The following SGPP2 variants were observed in gnomAD, a reference collection of about 807,000 sequenced individuals.
SGPP2 encodes the protein sphingosine-1-phosphate phosphatase 2.
SGPP2 carries 30 observed loss-of-function variants against 33.9 expected under a neutral mutation model. The ratio of observed to expected loss-of-function variants is 0.89; its 90% CI spans 0.66 to 1.20. The LOEUF (loss-of-function observed/expected upper bound fraction) is 1.20, where lower values mean the gene tolerates loss of function less well. Among genes scored for constraint, SGPP2 ranks in the 50% most tolerant of loss-of-function variants. The pLI is 0.00. For synonymous variants in SGPP2, 233 were observed against 225.0 expected (o/e 1.04, Z -0.32); for missense variants, 458 against 532.1 (o/e 0.86, Z 1.37).
intron 2 of SGPP2, among the ~76,000 whole-genome samples, chr2:222,482,065 G>A (rs1559156537): frequency 6.6e-6 from 1 of 152,182 alleles, no homozygotes. Context: ...AGGAGTACCT[G>A]TGTGAGAAGA....
At chr2:222,473,968 A>C (rs576290189) in intron 1 of SGPP2, among the ~76,000 whole-genome samples, 1 of 152,238 alleles carries the variant, frequency 6.6e-6, no homozygotes, top group South Asian at 2.1e-4. Flanking sequence ...AATGTCTGAA[A>C]TGTTCCCAGC....
At chr2:222,430,501 T>C (rs964127766) in intron 1 of SGPP2, among the ~76,000 whole-genome samples, 1 of 152,126 alleles carries the variant, frequency 6.6e-6, no homozygotes, top group Non-Finnish European at 1.5e-5. Context: ...TTGAAAAAAA[T>C]AGAGACAGGG....
intron 1 of SGPP2, among the ~76,000 whole-genome samples, chr2:222,428,785 C>CTTTT (rs58239129): frequency 1.6e-4 from 12 of 75,338 alleles, no homozygotes; most frequent in East Asian, 1.2e-3. Flanking sequence ...ACATGGTTTT[C>CTTTT]TTTTTTTTTT....
upstream of SGPP2, among the ~76,000 whole-genome samples, chr2:222,424,201 G>A (rs1697020698): frequency 6.6e-6 from 1 of 151,322 alleles, no homozygotes; most frequent in Non-Finnish European, 1.5e-5. Context: ...GGGCTAATGG[G>A]AGCGGCCGCA....
At chr2:222,451,262 A>G (rs1697483510) in intron 1 of SGPP2, among the ~76,000 whole-genome samples, 1 of 152,240 alleles carries the variant, frequency 6.6e-6, no homozygotes, top group South Asian at 2.1e-4. Flanking sequence ...GATATTTTAA[A>G]GGGAAAAAAG....
chr2:222,506,900 G>A (rs942690019), intron 2 of SGPP2, among the ~76,000 whole-genome samples: 4 of 151,848 alleles, frequency 2.6e-5, no homozygotes, highest in African/African-American at 9.7e-5. Flanking sequence ...TTAAAAAAAA[G>A]AAATAATCAC....
intron 1 of SGPP2, among the ~76,000 whole-genome samples, chr2:222,464,834 A>T (rs955410306): frequency 1.3e-4 from 19 of 151,962 alleles, no homozygotes; most frequent in African/African-American, 4.4e-4. Flanking sequence ...TAGTTACAAG[A>T]CCCTTTTCTA....
At chr2:222,558,186 A>G (rs552551376) in intron 4 of SGPP2, among the ~76,000 whole-genome samples, 161 bp from the exon 5 acceptor site, 91 of 152,346 alleles carry the variant, frequency 6.0e-4, no homozygotes, top group African/African-American at 2.1e-3. Context: ...TTTTCACTTC[A>G]AAGTTTTAGA....
At chr2:222,555,768 G>A (rs898761480) in intron 4 of SGPP2, among the ~76,000 whole-genome samples, 15 of 152,138 alleles carry the variant, frequency 9.9e-5, no homozygotes, top group Admixed American at 2.6e-4. Flanking sequence ...AGAAGAACCA[G>A]GCTATTTCAG....
rs1031098779 is a variant in SGPP2 at position 222,424,666 on chromosome 2, G to A, written c.64G>A (p.Gly22Arg). Residue 22 changes from glycine (G) to arginine (R), a missense_variant, in exon 1 of 5, where the codon GGG becomes AGG. Transcript: ENST00000321276. ...CGTCGCCCGCTTCCAGCGCCGCTGCGGGCTCTTCCCCGCTCCGGATGAAGG... is the reference window on the plus strand; with the variant it reads ...CGTCGCCCGCTTCCAGCGCCGCTGCAGGCTCTTCCCCGCTCCGGATGAAGG... ...QLVARFQRRC[G>R]LFPAPDEGPR... The A allele has an allele frequency of 1.0e-4, 151 of 1,442,180 alleles. No homozygotes were observed. Among genetic ancestry groups the A allele is most frequent in the Non-Finnish European group, 1.3e-4 (147 of 1,097,740 alleles). The allele number at this position is 1,442,180 out of a possible 1,614,324, so 89.3% of individuals were successfully genotyped here. A position where few individuals can be genotyped will look rare whatever the true frequency, so the allele number is the denominator to read the frequency against.
intron 4 of SGPP2, among the ~76,000 whole-genome samples, chr2:222,527,197 T>C (rs1323449458): frequency 2.0e-5 from 3 of 152,208 alleles, no homozygotes; most frequent in Non-Finnish European, 4.4e-5. Flanking sequence ...ATGCAAGGAA[T>C]ATTATATGCT....
chr2:222,479,817 A>G (rs997330630), intron 2 of SGPP2, among the ~76,000 whole-genome samples: 3 of 132,958 alleles, frequency 2.3e-5, no homozygotes, highest in African/African-American at 9.5e-5. Context: ...CTGATTTTTC[A>G]CACACAAAAA....
intron 1 of SGPP2, among the ~76,000 whole-genome samples, chr2:222,468,395 A>G (rs1176996329): frequency 3.9e-5 from 6 of 152,006 alleles, no homozygotes; most frequent in African/African-American, 1.5e-4. Context: ...AAAAAAAAAA[A>G]AAAATTGTAC....
chr2:222,466,639 C>A (rs1243118780), intron 1 of SGPP2, among the ~76,000 whole-genome samples: 1 of 152,094 alleles, frequency 6.6e-6, no homozygotes, highest in Non-Finnish European at 1.5e-5. Context: ...AGGATTCTGA[C>A]AGTAGTGCAA....
intron 4 of SGPP2, among the ~76,000 whole-genome samples, chr2:222,531,268 G>A (rs1189572040): frequency 1.3e-5 from 2 of 152,160 alleles, no homozygotes; most frequent in African/African-American, 4.8e-5. Context: ...AAAAAACACA[G>A]TATCTGCAAA....
At chr2:222,425,502 C>T (rs567593283) in intron 1 of SGPP2, among the ~76,000 whole-genome samples, 1 of 152,190 alleles carries the variant, frequency 6.6e-6, no homozygotes, top group Admixed American at 6.5e-5. Flanking sequence ...GCTACGCTCC[C>T]GCTAGGTGTT....
intron 1 of SGPP2, among the ~76,000 whole-genome samples, chr2:222,425,024 G>T (rs1229083390): frequency 6.6e-6 from 1 of 152,234 alleles, no homozygotes; most frequent in Non-Finnish European, 1.5e-5. Flanking sequence ...AGGGGCAACC[G>T]GGTCTATTGA....
chr2:222,442,182 C>A (rs1697334691), intron 1 of SGPP2, among the ~76,000 whole-genome samples: 1 of 152,140 alleles, frequency 6.6e-6, no homozygotes, highest in Non-Finnish European at 1.5e-5. Context: ...AATGTTATAT[C>A]TCCTCTTCCC....
intron 1 of SGPP2, among the ~76,000 whole-genome samples, chr2:222,444,808 T>A (rs1405781667): frequency 6.6e-6 from 1 of 152,200 alleles, no homozygotes; most frequent in Non-Finnish European, 1.5e-5. Flanking sequence ...AAACAATACA[T>A]TGCAGCTTTG....
Sources: gnomAD v4.1 joint callset for allele counts (sites outside exome capture counted in the v4.1 genomes callset) on GRCh38, gnomAD v4.1.1 for gene constraint, MANE v1.5 for transcripts, NCBI Gene and HGNC (gene_info 2026-07-23, HGNC 2026-07-21) for gene names.